Variants in BEND7 observed in about 807,000 individuals in gnomAD.
BEND7 encodes BEN domain-containing protein 7.
Under a neutral mutation model 50.9 loss-of-function variants are expected in BEND7, and 28 were observed. That is an observed-to-expected ratio of 0.55 (90% confidence interval 0.41 to 0.75). BEND7 has a LOEUF of 0.75. BEND7 is among the 30% of genes least tolerant of loss of function. The pLI is 0.00. For synonymous variants in BEND7, 170 were observed against 183.9 expected, an observed-to-expected ratio of 0.92 and a Z score of 0.61; for missense variants, 477 against 491.3, an observed-to-expected ratio of 0.97 and a Z score of 0.28.
chr10:13,474,753 A>G (rs1234343548), intron 6 of BEND7, among the ~76,000 whole-genome samples: 2 of 151,692 alleles, frequency 1.3e-5, no homozygotes, highest in African/African-American at 4.8e-5. Context: ...CATCGCTGTT[A>G]GACTTGGGTT....
intron 6 of BEND7, among the ~76,000 whole-genome samples, chr10:13,469,232 G>A (rs2074556759): frequency 1.3e-5 from 2 of 152,282 alleles, no homozygotes; most frequent in South Asian, 4.2e-4. Flanking sequence ...TGACCATGGA[G>A]AGGTGTCAAA....
intron 7 of BEND7, among the ~76,000 whole-genome samples, chr10:13,450,147 T>C (rs971571551): frequency 6.6e-6 from 1 of 152,200 alleles, no homozygotes; most frequent in Non-Finnish European, 1.5e-5. Flanking sequence ...TGAATTTCTA[T>C]TTGGATTTGC....
chr10:13,494,833 G>GA (rs1336751773), intron 4 of BEND7, among the ~76,000 whole-genome samples: 1 of 152,198 alleles, frequency 6.6e-6, no homozygotes, highest in African/African-American at 2.4e-5. Flanking sequence ...AAAGAAAGGT[G>GA]AAACTTTCTA....
At chr10:13,465,524 T>C (rs2074150714) in intron 6 of BEND7, among the ~76,000 whole-genome samples, 2 of 152,204 alleles carry the variant, frequency 1.3e-5, no homozygotes, top group Admixed American at 1.3e-4. Flanking sequence ...TATTTTCAGC[T>C]GGCTGATGTA....
chr10:13,491,517 T>C (rs2076660666), intron 5 of BEND7, among the ~76,000 whole-genome samples: 1 of 152,002 alleles, frequency 6.6e-6, no homozygotes, highest in African/African-American at 2.4e-5. Flanking sequence ...TAAAATTAAA[T>C]TTTTAGACTA....
At chr10:13,448,104 T>G (rs1247607621) in intron 7 of BEND7, among the ~76,000 whole-genome samples, 3 of 152,206 alleles carry the variant, frequency 2.0e-5, no homozygotes, top group Non-Finnish European at 2.9e-5. Flanking sequence ...CTTCAAAAGA[T>G]TCTCCATTTC....
chr10:13,461,251 C>T (rs1269743630), intron 6 of BEND7, among the ~76,000 whole-genome samples: 1 of 152,136 alleles, frequency 6.6e-6, no homozygotes, highest in Non-Finnish European at 1.5e-5. Flanking sequence ...GAAAGGCAGT[C>T]TCACATGAAG....
Position 13,496,815 on chromosome 10 carries a change from G to GGCCT in BEND7, c.518_521dup (p.Ile175GlyfsTer44). The GGCCT allele has an allele frequency of 6.2e-7, 1 of 1,613,680 alleles. No homozygotes were observed. Among genetic ancestry groups the GGCCT allele is most frequent in the Non-Finnish European group, 8.5e-7 (1 of 1,179,894 alleles). Reference sequence around the variant, plus strand: ...TCATGGTCTTGAGTTCTTGTAGAATGGCCTGCAACGTTGACTGGCAGTTAC... The same window carrying GGCCT: ...TCATGGTCTTGAGTTCTTGTAGAATGGCCTGCCTGCAACGTTGACTGGCAGTTAC... On this transcript the variant is annotated frameshift_variant, in exon 4 of 9. Transcript: ENST00000466271. LOFTEE classifies it high-confidence loss of function.
chr10:13,498,179 G>T (rs1290407650), intron 3 of BEND7, among the ~76,000 whole-genome samples: 1 of 149,232 alleles, frequency 6.7e-6, no homozygotes, highest in East Asian at 2.0e-4. Flanking sequence ...AGGCTCAAGC[G>T]CTTCTCATGC....
chr10:13,513,179 A>C lies in BEND7; in HGVS notation c.145+12959T>G, dbSNP rs568493618. Among the ~76,000 whole-genome samples, 6 of 152,256 alleles carry C rather than the reference A, an allele frequency of 3.9e-5. No individual in the cohort carries two copies. In the South Asian group the frequency reaches 1.2e-3, roughly 32 times the overall value. On this transcript the variant is annotated intron_variant, in intron 2 of 8. Coordinates refer to ENST00000466271, the MANE Select transcript of BEND7 (RefSeq NM_001369863.1). The stretch of plus-strand genomic sequence containing the variant: ...TTGTAGTGTCGGTGACAATCCACTA[A>C]ATTGATATCATGACCTACTTACAGG...
intron 4 of BEND7, among the ~76,000 whole-genome samples, chr10:13,495,287 C>T (rs539858546): frequency 1.8e-3 from 271 of 152,326 alleles, no homozygotes; most frequent in African/African-American, 6.2e-3. Context: ...CACAGATTAT[C>T]GTAGTGGAAC....
At chr10:13,448,926 T>G (rs1837058515) in intron 7 of BEND7, among the ~76,000 whole-genome samples, 1 of 143,284 alleles carries the variant, frequency 7.0e-6, no homozygotes, top group Non-Finnish European at 1.5e-5. Context: ...TGAGCCGAGA[T>G]CGCGCCACTG....
intron 2 of BEND7, among the ~76,000 whole-genome samples, chr10:13,506,336 C>T (rs756066354): frequency 2.6e-5 from 4 of 152,178 alleles, no homozygotes; most frequent in African/African-American, 4.8e-5. Flanking sequence ...GAGAACCTGG[C>T]TTTCCTCTTG....
chr10:13,447,140 TG>T, intron 8 of BEND7, 125 bp downstream of exon 8: 1 of 880,998 alleles, frequency 1.1e-6, no homozygotes, highest in Non-Finnish European at 1.9e-6. Context: ...TGACGGGGCC[TG>T]GTCCACTGCA....
chr10:13,474,781 T>C (rs2075305183), intron 6 of BEND7, among the ~76,000 whole-genome samples: 1 of 152,244 alleles, frequency 6.6e-6, no homozygotes, highest in Admixed American at 6.5e-5. Context: ...ATCATCAGTG[T>C]TGGACTCGGG....
At chr10:13,470,863 T>C (rs1476217291) in intron 6 of BEND7, among the ~76,000 whole-genome samples, 2 of 152,340 alleles carry the variant, frequency 1.3e-5, no homozygotes, top group East Asian at 3.9e-4. Flanking sequence ...GTCAAATGTG[T>C]TAAGGTAAAC....
chr10:13,481,899 G>A (rs573079776), intron 5 of BEND7, among the ~76,000 whole-genome samples: 40 of 152,326 alleles, frequency 2.6e-4, no homozygotes, highest in African/African-American at 9.1e-4. Flanking sequence ...GGACGCTATC[G>A]CACACGCTCG....
intron 6 of BEND7, chr10:13,480,503 A>G: frequency 1.9e-6 from 1 of 531,586 alleles, no homozygotes; most frequent in Non-Finnish European, 2.4e-6. Flanking sequence ...AGAGAGAACC[A>G]TTTTACTTTA....
chr10:13,526,886 G>C (rs1346744158), intron 1 of BEND7, among the ~76,000 whole-genome samples: 1 of 152,136 alleles, frequency 6.6e-6, no homozygotes, highest in African/African-American at 2.4e-5. Context: ...AAAGGAAAAA[G>C]GAAAAACTTG....
Sources: gnomAD v4.1 joint callset for allele counts (sites outside exome capture counted in the v4.1 genomes callset) on GRCh38, gnomAD v4.1.1 for gene constraint, MANE v1.5 for transcripts, NCBI Gene and HGNC (gene_info 2026-07-23, HGNC 2026-07-21) for gene names.